Variants in CORIN observed in about 807,000 individuals in gnomAD.
CORIN encodes atrial natriuretic peptide-converting enzyme.
CORIN carries 117 observed loss-of-function variants against 125.3 expected under a neutral mutation model. The ratio of observed to expected loss-of-function variants is 0.93; its 90% CI spans 0.80 to 1.09. The LOEUF is 1.09. Among genes scored for constraint, CORIN ranks in the 50% least tolerant of loss-of-function variants. The pLI is 0.00. For missense variants in CORIN, 1,253 were observed against 1,306.7 expected (o/e 0.96, Z 0.63); for synonymous variants, 450 against 466.4 (o/e 0.96, Z 0.45).
rs79926316 is a variant in CORIN at position 47,810,888 on chromosome 4, T to C, written c.64-3841A>G. On this transcript the variant is annotated intron_variant, in intron 1 of 21. Transcript: ENST00000273857. ...ATCTCCTCATTGGAGGTTGTAAAAG[T>C]AGCTCAAACTCAACAAGTCTGGAAC... Among the ~76,000 whole-genome samples the C allele has an allele frequency of 2.6e-5, 4 of 152,304 alleles. No homozygotes were observed. In the East Asian group the frequency reaches 7.7e-4, roughly 29 times the overall value.
In CORIN at chr4:47,623,705, G is replaced by C; in HGVS notation, c.2406C>G (p.Ile802Met). 6.2e-7 allele frequency: 1 copy of C among 1,614,214 alleles called. No homozygotes were observed. The highest frequency in any genetic ancestry group is 1.1e-5 in the South Asian group (1 of 91,082). Reference sequence around the variant, plus strand: ...CAGGGCGACTCGTCCGACCTCCAAGGATCCTTTTGTTCATTCGGGCAGCAG... The same window carrying C: ...CAGGGCGACTCGTCCGACCTCCAAGCATCCTTTTGTTCATTCGGGCAGCAG... ...RRPAARMNKR[I>M]LGGRTSRPGR... The change falls in exon 19 of 22, where the codon ATC becomes ATG. Residue 802 changes from isoleucine to methionine, a missense_variant. Ile to Met is a conservative substitution (Grantham distance 10). Transcript: ENST00000273857.
chr4:47,764,181 A>T (rs1729602031), intron 3 of CORIN, among the ~76,000 whole-genome samples: 1 of 152,232 alleles, frequency 6.6e-6, no homozygotes, highest in African/African-American at 2.4e-5. Context: ...TAATATAATA[A>T]GTAAAAGTAG....
At chr4:47,771,606 C>G (rs1399695252) in intron 3 of CORIN, among the ~76,000 whole-genome samples, 1 of 152,170 alleles carries the variant, frequency 6.6e-6, no homozygotes, top group Admixed American at 6.5e-5. Context: ...CCTCCACCCT[C>G]TGATAGACCC....
At chr4:47,672,827 AG>A (rs1724822084) in intron 10 of CORIN, among the ~76,000 whole-genome samples, 1 of 152,036 alleles carries the variant, frequency 6.6e-6, no homozygotes, top group South Asian at 2.1e-4. Flanking sequence ...TTCCAGGCAA[AG>A]AGTTATTAAA....
At chr4:47,803,845 T>C (rs1178701879) in intron 2 of CORIN, among the ~76,000 whole-genome samples, 2 of 151,998 alleles carry the variant, frequency 1.3e-5, no homozygotes, top group South Asian at 4.1e-4. Flanking sequence ...AAAGCAAAAA[T>C]GAACAGCTGG....
intron 4 of CORIN, among the ~76,000 whole-genome samples, chr4:47,760,452 C>A (rs987000079): frequency 3.3e-5 from 5 of 152,124 alleles, no homozygotes; most frequent in Admixed American, 6.5e-5. Flanking sequence ...TTGTCAAAAA[C>A]CAGTTTGATG....
chr4:47,730,001 C>T (rs1205240481), intron 5 of CORIN, among the ~76,000 whole-genome samples: 2 of 152,136 alleles, frequency 1.3e-5, no homozygotes, highest in Admixed American at 6.5e-5. Context: ...GAGCCACCTC[C>T]ACCACTCAAT....
chr4:47,732,435 G>T (rs540145377), intron 5 of CORIN, among the ~76,000 whole-genome samples: 1 of 152,208 alleles, frequency 6.6e-6, no homozygotes, highest in Admixed American at 6.5e-5. Flanking sequence ...AAGACTAAAG[G>T]AAGTGCATAC....
chr4:47,743,294 CCATAGGGCATGAGATCTTTGCAATA>C (rs1384805328), intron 5 of CORIN, among the ~76,000 whole-genome samples: 3 of 152,056 alleles, frequency 2.0e-5, no homozygotes, highest in African/African-American at 7.2e-5. Context: ...GAAAGGCAAG[CCATAGGGCATGAGATCTTTGCAATA>C]CATATATCCA....
intron 1 of CORIN, among the ~76,000 whole-genome samples, chr4:47,819,760 C>T (rs937420416): frequency 2.6e-5 from 4 of 152,172 alleles, no homozygotes; most frequent in Non-Finnish European, 5.9e-5. Context: ...CATTAATTCC[C>T]ACCAGCCTTC....
At chr4:47,763,668 G>C (rs777337230) in intron 3 of CORIN, 82 bp from the exon 4 acceptor site, 5 of 1,268,596 alleles carry the variant, frequency 3.9e-6, no homozygotes, top group Non-Finnish European at 3.4e-6. Context: ...TTGTTTATAA[G>C]ATAAAGTATA....
chr4:47,828,218 G>C (rs1029364955), intron 1 of CORIN, among the ~76,000 whole-genome samples: 1 of 152,128 alleles, frequency 6.6e-6, no homozygotes, highest in African/African-American at 2.4e-5. Context: ...AATATCCTGA[G>C]TGATAAGAGT....
At chr4:47,824,326 A>T (rs1007540133) in intron 1 of CORIN, among the ~76,000 whole-genome samples, 1 of 140,584 alleles carries the variant, frequency 7.1e-6, no homozygotes, top group African/African-American at 2.6e-5. Flanking sequence ...AAAAAAAAAA[A>T]ATACACACAC....
At chr4:47,623,216 A>T (rs546209740) in intron 19 of CORIN, among the ~76,000 whole-genome samples, 33 of 151,888 alleles carry the variant, frequency 2.2e-4, no homozygotes, top group African/African-American at 6.5e-4. Context: ...CCTGCATCCA[A>T]ACCTCATTGT....
intron 5 of CORIN, among the ~76,000 whole-genome samples, chr4:47,724,361 C>T (rs4554037): frequency 0.15 from 22,864 of 151,762 alleles, 2,381 homozygotes; most frequent in African/African-American, 0.29. Context: ...TTTCAAAAAA[C>T]GAACATAACT....
At chr4:47,747,596 A>G (rs1039543466) in intron 4 of CORIN, among the ~76,000 whole-genome samples, 2 of 152,164 alleles carry the variant, frequency 1.3e-5, no homozygotes, top group Non-Finnish European at 2.9e-5. Flanking sequence ...AGTTTCATAC[A>G]GGAGGCCAGC....
At chr4:47,744,329 T>A (rs1314997645) in intron 5 of CORIN, 73 bp downstream of exon 5, 18 of 1,336,056 alleles carry the variant, frequency 1.3e-5, no homozygotes, top group Non-Finnish European at 1.8e-5. Flanking sequence ...CACTTATTAT[T>A]TATATCCATT....
At chr4:47,794,643 G>T (rs547829190) in intron 2 of CORIN, among the ~76,000 whole-genome samples, 1 of 152,246 alleles carries the variant, frequency 6.6e-6, no homozygotes, top group Admixed American at 6.5e-5. Context: ...ATTCTAATGA[G>T]AATTTTTGGA....
At chr4:47,773,902 T>C (rs1225587727) in intron 3 of CORIN, among the ~76,000 whole-genome samples, 1 of 151,730 alleles carries the variant, frequency 6.6e-6, no homozygotes, top group Non-Finnish European at 1.5e-5. Flanking sequence ...TACTAAAAGA[T>C]AAAAGGTATA....
Sources: allele counts gnomAD v4.1 joint callset (sites outside exome capture counted in the v4.1 genomes callset), GRCh38; gene constraint gnomAD v4.1.1; transcripts MANE v1.5; gene names NCBI Gene and HGNC (gene_info 2026-07-23, HGNC 2026-07-21).